Variants in ABI2 observed in about 807,000 individuals in gnomAD.
ABI2 encodes the protein abl interactor 2.
In ABI2, 25 loss-of-function variants were observed where a neutral mutation model predicts 59.2. The observed-to-expected ratio is 0.42, with a 90% CI of 0.31 to 0.59. ABI2 has a LOEUF of 0.59. ABI2 is among the 20% of genes least tolerant of loss of function. The pLI, the probability that ABI2 is intolerant of heterozygous loss-of-function variation, is 0.14. For missense variants in ABI2, 545 were observed against 681.8 expected (o/e 0.80, Z 2.23); for synonymous variants, 213 against 235.5 (o/e 0.90, Z 0.87).
chr2:203,337,134 C>G (rs1403665491), intron 1 of ABI2, among the ~76,000 whole-genome samples: 1 of 152,022 alleles, frequency 6.6e-6, no homozygotes, highest in Non-Finnish European at 1.5e-5. Flanking sequence ...CTGCAAAGTA[C>G]TAGAAGTCCT....
intron 11 of ABI2, among the ~76,000 whole-genome samples, chr2:203,425,162 C>G (rs2098389110): frequency 6.6e-6 from 1 of 151,594 alleles, no homozygotes; most frequent in Admixed American, 6.6e-5. Flanking sequence ...CTAAGCATCT[C>G]TGTTACAACA....
chr2:203,383,888 T>C (rs1193461291), intron 4 of ABI2, among the ~76,000 whole-genome samples: 2 of 152,208 alleles, frequency 1.3e-5, no homozygotes, highest in East Asian at 1.9e-4. Context: ...CTCAGCACTT[T>C]TTGAGCTCTG....
Position 203,360,377 on chromosome 2 carries a change from A to G in ABI2, c.118-6500A>G, listed in dbSNP as rs544753038. Among the ~76,000 whole-genome samples, 9 of 152,280 alleles carry G rather than the reference A, an allele frequency of 5.9e-5. No individual in the cohort carries two copies. The South Asian group carries it at 8.3e-4, about 14-fold the overall frequency. ...AAGAGGATGAGGAATGCTTTAAACAAAAGGCGAAGTGTTGGGTGGAGCAGA... is the reference window on the plus strand; with the variant it reads ...AAGAGGATGAGGAATGCTTTAAACAGAAGGCGAAGTGTTGGGTGGAGCAGA... On this transcript the variant is annotated intron_variant, in intron 1 of 11. Transcript: ENST00000261018.
intron 1 of ABI2, chr2:203,342,082 C>G (rs1411420407): frequency 2.9e-6 from 1 of 344,680 alleles, no homozygotes; most frequent in South Asian, 2.2e-5. Context: ...TTTTTTTTGC[C>G]TGTTATGTCC....
intron 8 of ABI2, among the ~76,000 whole-genome samples, chr2:203,398,615 C>T (rs1296032163): frequency 6.6e-6 from 1 of 152,146 alleles, no homozygotes; most frequent in African/African-American, 2.4e-5. Flanking sequence ...TGAGTTTTGG[C>T]AAAGGTGTAC....
At chr2:203,338,908 C>CTGTG (rs148766477) in intron 1 of ABI2, among the ~76,000 whole-genome samples, 2 of 64,032 alleles carry the variant, frequency 3.1e-5, no homozygotes, top group African/African-American at 7.5e-5. Context: ...GGGTTTATAT[C>CTGTG]TGTGTGTGTG....
intron 3 of ABI2, among the ~76,000 whole-genome samples, chr2:203,381,303 G>T (rs568613900): frequency 2.6e-5 from 4 of 152,228 alleles, no homozygotes; most frequent in East Asian, 3.9e-4. Flanking sequence ...TTGAGACAGG[G>T]TCTCACTCTG....
intron 2 of ABI2, among the ~76,000 whole-genome samples, chr2:203,378,699 G>A (rs548939175): frequency 2.8e-4 from 42 of 152,236 alleles, no homozygotes; most frequent in African/African-American, 9.9e-4. Context: ...TTTAGAAAGG[G>A]GAAATTGAAG....
intron 1 of ABI2, among the ~76,000 whole-genome samples, chr2:203,338,983 A>AAATATATATATAT (rs2078182989): frequency 3.2e-4 from 4 of 12,328 alleles, no homozygotes; most frequent in African/African-American, 7.9e-4. Context: ...TATATATATA[A>AAATATATATATAT]ATATATATAT....
intron 4 of ABI2, 97 bp from the exon 5 acceptor site, chr2:203,390,949 C>A: frequency 1.1e-6 from 1 of 904,228 alleles, no homozygotes; most frequent in Non-Finnish European, 1.8e-6. Context: ...TTTATTTAAA[C>A]CTTCCCCTCC....
At chr2:203,379,140 T>A (rs182018995) in intron 2 of ABI2, among the ~76,000 whole-genome samples, 1 of 152,338 alleles carries the variant, frequency 6.6e-6, no homozygotes, top group Non-Finnish European at 1.5e-5. Flanking sequence ...ATGTCTTATG[T>A]GAGCATTTAA....
At chr2:203,359,963 G>A (rs759553241) in intron 1 of ABI2, among the ~76,000 whole-genome samples, 1 of 151,884 alleles carries the variant, frequency 6.6e-6, no homozygotes, top group Non-Finnish European at 1.5e-5. Flanking sequence ...GAGGCGGGTG[G>A]ATCATGAGGT....
At chr2:203,377,210 G>C (rs1328191149) in intron 2 of ABI2, among the ~76,000 whole-genome samples, 1 of 152,168 alleles carries the variant, frequency 6.6e-6, no homozygotes, top group East Asian at 1.9e-4. Flanking sequence ...AGCTACTCAG[G>C]AGGCTGAGGT....
chr2:203,409,195 T>C (rs1368130403), intron 9 of ABI2, among the ~76,000 whole-genome samples: 1 of 152,172 alleles, frequency 6.6e-6, no homozygotes, highest in Non-Finnish European at 1.5e-5. Flanking sequence ...ATTATGAACA[T>C]ATCAACAGTT....
chr2:203,374,783 T>G (rs1259719444), intron 2 of ABI2: 1 of 445,348 alleles, frequency 2.2e-6, no homozygotes, highest in Non-Finnish European at 4.6e-6. Flanking sequence ...AACACCCAAT[T>G]TAGTTGGGTT....
intron 9 of ABI2, among the ~76,000 whole-genome samples, chr2:203,405,820 G>A (rs1283250933): frequency 6.6e-6 from 1 of 152,112 alleles, no homozygotes; most frequent in Non-Finnish European, 1.5e-5. Flanking sequence ...GTTCTGTGAG[G>A]TGTAAATCTA....
chr2:203,385,261 A>G (rs1166216607), intron 4 of ABI2, among the ~76,000 whole-genome samples: 1 of 150,294 alleles, frequency 6.7e-6, no homozygotes, highest in East Asian at 2.0e-4. Flanking sequence ...CCTCCTGAGT[A>G]GCTGGGACTA....
chr2:203,364,758 A>G (rs2094153524), intron 1 of ABI2, among the ~76,000 whole-genome samples: 1 of 149,902 alleles, frequency 6.7e-6, no homozygotes, highest in Non-Finnish European at 1.5e-5. Flanking sequence ...TTCAAGAGAC[A>G]GGGTCTTGCT....
chr2:203,396,994 G>T, intron 8 of ABI2, 27 bp downstream of exon 8: 1 of 1,382,878 alleles, frequency 7.2e-7, no homozygotes, highest in Non-Finnish European at 9.4e-7. Context: ...TCATTGGCAG[G>T]CAGATGCAGT....
Sources: allele counts gnomAD v4.1 joint callset (sites outside exome capture counted in the v4.1 genomes callset), GRCh38; gene constraint gnomAD v4.1.1; transcripts MANE v1.5; gene names NCBI Gene and HGNC (gene_info 2026-07-23, HGNC 2026-07-21).